Variants in CFAP92 observed in about 807,000 individuals in gnomAD.
CFAP92 encodes the protein uncharacterized protein CFAP92.
Under a neutral mutation model 106.3 loss-of-function variants are expected in CFAP92, and 86 were observed. That is an observed-to-expected ratio of 0.81 (90% CI 0.68 to 0.97). The LOEUF (loss-of-function observed/expected upper bound fraction) is 0.97, where lower values mean the gene tolerates loss of function less well. CFAP92 is among the 50% of genes least tolerant of loss of function. The probability of loss-of-function intolerance (pLI) is 0.00; values close to 1 mark genes in which losing one functional copy is unlikely to be tolerated. For synonymous variants in CFAP92, 477 were observed against 506.4 expected (o/e 0.94, Z 0.78); for missense variants, 1,204 against 1,283.8 (o/e 0.94, Z 0.95).
chr3:129,003,886 C>T (rs759092853), upstream of CFAP92: 186 of 1,397,064 alleles, frequency 1.3e-4, no homozygotes, highest in Middle Eastern at 2.5e-4. Context: ...CGCAGGGCGC[C>T]CTGGCTGCGG....
At chr3:128,965,817 T>C in intron 8 of CFAP92, 122 bp from the exon 9 acceptor site, 1 of 391,178 alleles carries the variant, frequency 2.6e-6, no homozygotes, top group Non-Finnish European at 4.5e-6. Flanking sequence ...AAAACTTTAA[T>C]TAAAAAAAAA....
intron 1 of CFAP92, chr3:129,002,144 G>A: frequency 6.8e-7 from 1 of 1,472,868 alleles, no homozygotes; most frequent in African/African-American, 1.5e-5. Flanking sequence ...ACATCGAGAC[G>A]CAGATCCGCC....
chr3:128,932,394 CACAT>C (rs1219455583), intron 12 of CFAP92, among the ~76,000 whole-genome samples: 2 of 148,450 alleles, frequency 1.3e-5, no homozygotes, highest in African/African-American at 2.5e-5. Flanking sequence ...CACACACACA[CACAT>C]GCCACAGTTC....
At position 128,993,156 on chromosome 3, in the gene CFAP92, C is replaced by A; in HGVS notation, c.149G>T (p.Arg50Leu). ...KARAQESDSD[R>L]PCSSIESSSE... ...TGAGGACTCGATGCTGCTGCACGGG[C>A]GGTCAGAGTCAGACTCCTGGGCCCT... The change falls in exon 2 of 16, where the codon CGC becomes CTC. Residue 50 changes from arginine to leucine, a missense_variant. Coordinates refer to ENST00000645291, the MANE Select transcript of CFAP92 (RefSeq NM_001394090.1). The A allele has an allele frequency of 6.2e-7, 1 of 1,614,072 alleles. No individual in the cohort carries two copies. Among genetic ancestry groups the A allele is most frequent in the Non-Finnish European group, 8.5e-7 (1 of 1,179,904 alleles).
intron 9 of CFAP92, among the ~76,000 whole-genome samples, chr3:128,952,137 T>TTC (rs1396328460): frequency 8.3e-5 from 7 of 83,942 alleles, no homozygotes; most frequent in Non-Finnish European, 1.8e-4. Context: ...CTTCTTCTTC[T>TTC]TTTTTTTTTT....
intron 4 of CFAP92, among the ~76,000 whole-genome samples, chr3:128,985,183 G>T (rs1209141039): frequency 6.6e-6 from 1 of 152,200 alleles, no homozygotes; most frequent in Non-Finnish European, 1.5e-5. Flanking sequence ...ACAGTGCTAG[G>T]CATAGTGGCT....
intron 15 of CFAP92, among the ~76,000 whole-genome samples, chr3:128,912,128 G>T (rs1423972004): frequency 1.3e-5 from 2 of 152,172 alleles, no homozygotes; most frequent in Non-Finnish European, 2.9e-5. Flanking sequence ...ATGATTTTTT[G>T]CAGGTCCTAG....
intron 2 of CFAP92, 118 bp from the exon 3 acceptor site, chr3:128,989,036 G>C: frequency 1.3e-6 from 1 of 768,194 alleles, no homozygotes; most frequent in Non-Finnish European, 2.1e-6. Flanking sequence ...TTGCCTGCCC[G>C]ACTTGGGGAA....
At chr3:128,964,602 A>G (rs577753331) in intron 9 of CFAP92, among the ~76,000 whole-genome samples, 179 of 152,018 alleles carry the variant, frequency 1.2e-3, no homozygotes, top group Non-Finnish European at 2.1e-3. Context: ...CTCCTTAGGC[A>G]CTCTCTAATC....
chr3:128,946,033 C>T (rs2107730317), intron 9 of CFAP92, 58 bp from the exon 10 acceptor site: 4 of 1,276,128 alleles, frequency 3.1e-6, no homozygotes. Flanking sequence ...CACTCAGCCC[C>T]AGCATGAGGA....
chr3:128,940,634 T>G (rs1226255361), intron 10 of CFAP92, among the ~76,000 whole-genome samples: 1 of 152,224 alleles, frequency 6.6e-6, no homozygotes, highest in Non-Finnish European at 1.5e-5. Context: ...ATGTCATATG[T>G]CAAATGAACA....
rs181071465 is a variant in CFAP92, at chr3:128,913,309, C to G, written c.3280+1810G>C. Among the ~76,000 whole-genome samples, 339 of 152,314 alleles carry G rather than the reference C, an allele frequency of 2.2e-3. 4 individuals are homozygous for G. The highest frequency in any genetic ancestry group is 7.9e-3 in the African/African-American group (330 of 41,560). The stretch of plus-strand genomic sequence containing the variant: ...GGGTTATGAGCCCTTAGTTTTTATC[C>G]TTCTCAGGAGATGATGGGGAGGCTG... On this transcript the variant is annotated intron_variant, in intron 15 of 15. Transcript: ENST00000645291.
rs1274510430 is a variant in CFAP92 at position 128,994,025 on chromosome 3, G to A, written c.-78C>T. The A allele has an allele frequency of 3.0e-6, 3 of 987,118 alleles. No individual in the cohort carries two copies. The highest frequency in any genetic ancestry group is 3.5e-5 in the African/African-American group (2 of 57,252). The allele number at this position is 987,118 out of a possible 1,614,324, so 61.1% of individuals were successfully genotyped here. ...CGGCAGCGGGGAGTTGGACCGCGGC[G>A]GCAACTCCCGTACCGGATCCACAGC... On this transcript the variant is annotated 5_prime_UTR_variant, in exon 1 of 16. Transcript: ENST00000645291.
At chr3:129,012,507 A>G in the CFAP92 span, among the ~76,000 whole-genome samples, 1 of 152,128 alleles carries the variant, frequency 6.6e-6, no homozygotes, top group Non-Finnish European at 1.5e-5. Flanking sequence ...ATGACTTTCC[A>G]AATTCTGTGA....
chr3:128,990,922 A>G (rs1944172960), intron 2 of CFAP92, among the ~76,000 whole-genome samples: 1 of 152,304 alleles, frequency 6.6e-6, no homozygotes, highest in African/African-American at 2.4e-5. Context: ...AATAATTTAT[A>G]TAAAGAAACA....
In CFAP92 at chr3:128,910,204, A is replaced by C. The variant is rs1936111761; in HGVS notation, c.*95T>G. ...TGGCTGCTGCCATCTGTCCTGCTGC[A>C]CTTTAATGAAGTTGATTGTTGAGGA... On this transcript the variant is annotated 3_prime_UTR_variant, in exon 16 of 16. Transcript: ENST00000645291. 19 of 1,610,250 alleles carry C rather than the reference A, an allele frequency of 1.2e-5. No homozygotes were observed. The highest frequency in any genetic ancestry group is 1.6e-5 in the Non-Finnish European group (19 of 1,178,408).
chr3:128,910,767 G>A (rs750123246), intron 15 of CFAP92: 36 of 1,614,066 alleles, frequency 2.2e-5, no homozygotes, highest in Non-Finnish European at 3.1e-5. Context: ...CCTTCTGCGT[G>A]GAAGCTTACT....
the CFAP92 span, among the ~76,000 whole-genome samples, chr3:129,013,967 G>C: frequency 6.6e-6 from 1 of 152,190 alleles, no homozygotes; most frequent in African/African-American, 2.4e-5. Flanking sequence ...GCTCTGAGTT[G>C]GGGGTGGGGG....
chr3:128,911,571 G>A (rs980071918), intron 15 of CFAP92, among the ~76,000 whole-genome samples: 1 of 152,006 alleles, frequency 6.6e-6, no homozygotes, highest in East Asian at 1.9e-4. Flanking sequence ...CTGAGTAGTT[G>A]GGATTATAGG....
Sources: gnomAD v4.1 joint callset for allele counts (sites outside exome capture counted in the v4.1 genomes callset) on GRCh38, gnomAD v4.1.1 for gene constraint, MANE v1.5 for transcripts, NCBI Gene and HGNC (gene_info 2026-07-23, HGNC 2026-07-21) for gene names.